Variants in EXOC4 observed in about 807,000 individuals in gnomAD.
EXOC4 encodes the protein SEC8-like 1.
A neutral mutation model predicts 107.2 loss-of-function variants in EXOC4; 71 were observed. That is an observed-to-expected ratio of 0.66 (90% CI 0.55 to 0.81). The LOEUF is 0.81. Among genes scored for constraint, EXOC4 ranks in the 30% least tolerant of loss-of-function variants. EXOC4 has a pLI of 0.00. For missense variants in EXOC4, 1,108 were observed against 1,189.6 expected (o/e 0.93, Z 1.01); for synonymous variants, 456 against 441.2 (o/e 1.03, Z -0.42).
rs1202554245 is a variant in EXOC4, at chr7:133,993,123, T to C, written c.2207-4369T>C. Among the ~76,000 whole-genome samples the C allele has an allele frequency of 2.0e-5, 3 of 152,244 alleles. No homozygotes were observed. In the East Asian group the frequency reaches 5.8e-4, roughly 29 times the overall value. ...TCCCACTTGATCACAGTGAATGATA[T>C]TTTTAATGTGTTGTCAAATTCTATT... On this transcript the variant is annotated intron_variant, in intron 14 of 17. Coordinates refer to ENST00000253861, the MANE Select transcript of EXOC4 (RefSeq NM_021807.4).
At chr7:133,424,264 T>TA (rs1428780990) in intron 7 of EXOC4, among the ~76,000 whole-genome samples, 1 of 152,086 alleles carries the variant, frequency 6.6e-6, no homozygotes, top group Non-Finnish European at 1.5e-5. Flanking sequence ...GTAACACTCT[T>TA]ATGAGCTGTA....
intron 7 of EXOC4, among the ~76,000 whole-genome samples, chr7:133,449,482 G>T (rs7783237): frequency 5.2e-4 from 79 of 152,232 alleles, no homozygotes; most frequent in African/African-American, 1.9e-3. Flanking sequence ...TTTCTTAAAT[G>T]CAAGGATAAT....
intron 5 of EXOC4, among the ~76,000 whole-genome samples, chr7:133,325,862 A>G (rs1019137766): frequency 2.0e-5 from 3 of 152,034 alleles, no homozygotes; most frequent in Admixed American, 6.5e-5. Context: ...TCAGACATAG[A>G]TTTGGTCTTT....
intron 11 of EXOC4, among the ~76,000 whole-genome samples, chr7:133,854,281 T>C (rs993919454): frequency 3.3e-5 from 5 of 152,116 alleles, no homozygotes; most frequent in African/African-American, 1.2e-4. Flanking sequence ...TGGGGACTGA[T>C]GGAGGGCCAT....
intron 7 of EXOC4, among the ~76,000 whole-genome samples, chr7:133,466,791 G>A (rs529816817): frequency 1.1e-4 from 16 of 152,146 alleles, no homozygotes; most frequent in African/African-American, 3.4e-4. Context: ...TGAATGTATC[G>A]ACATATAAAC....
intron 7 of EXOC4, among the ~76,000 whole-genome samples, chr7:133,435,683 A>G (rs1157554412): frequency 6.6e-6 from 1 of 152,086 alleles, no homozygotes; most frequent in Non-Finnish European, 1.5e-5. Context: ...TACCTAAAAC[A>G]CCTTTATTGT....
chr7:133,845,025 T>A (rs1045515920), intron 11 of EXOC4, among the ~76,000 whole-genome samples: 6 of 152,190 alleles, frequency 3.9e-5, no homozygotes, highest in Non-Finnish European at 7.3e-5. Flanking sequence ...TATCTTAACA[T>A]TGAAATTTGT....
intron 7 of EXOC4, among the ~76,000 whole-genome samples, chr7:133,394,155 G>A (rs1049824865): frequency 1.2e-4 from 18 of 152,160 alleles, no homozygotes; most frequent in Non-Finnish European, 1.9e-4. Flanking sequence ...GCCAATGCTC[G>A]TGCATAGATA....
intron 5 of EXOC4, among the ~76,000 whole-genome samples, chr7:133,335,301 C>G (rs1795487604): frequency 6.6e-6 from 1 of 152,130 alleles, no homozygotes; most frequent in African/African-American, 2.4e-5. Flanking sequence ...TGCAGCCAAT[C>G]TCCAGAAATA....
chr7:133,311,135 A>T (rs1217108089), intron 4 of EXOC4, among the ~76,000 whole-genome samples: 1 of 152,214 alleles, frequency 6.6e-6, no homozygotes, highest in East Asian at 1.9e-4. Context: ...GCTCATGAAG[A>T]TGTCAGTTCC....
At chr7:133,618,312 G>A (rs1802245063) in intron 9 of EXOC4, among the ~76,000 whole-genome samples, 1 of 151,104 alleles carries the variant, frequency 6.6e-6, no homozygotes, top group African/African-American at 2.4e-5. Flanking sequence ...TTTTTTTAAA[G>A]TTCAATATAC....
chr7:133,882,039 A>T (rs1798977744), intron 11 of EXOC4, among the ~76,000 whole-genome samples: 1 of 152,136 alleles, frequency 6.6e-6, no homozygotes, highest in South Asian at 2.1e-4. Context: ...CACTATTCTG[A>T]TTTGTCTCAC....
At chr7:133,878,892 T>TG (rs760481294) in intron 11 of EXOC4, among the ~76,000 whole-genome samples, 7 of 152,088 alleles carry the variant, frequency 4.6e-5, no homozygotes, top group African/African-American at 1.2e-4. Context: ...GCCTGGCTAA[T>TG]TTTTGTATTT....
intron 17 of EXOC4, among the ~76,000 whole-genome samples, chr7:134,021,722 GAAAAAAAAAAA>G (rs60762484): frequency 9.3e-5 from 5 of 53,742 alleles, no homozygotes; most frequent in Non-Finnish European, 1.4e-4. Context: ...AGTCAAACCA[GAAAAAAAAAAA>G]AAAAAAAAAA....
intron 9 of EXOC4, among the ~76,000 whole-genome samples, chr7:133,493,153 G>A (rs1799407407): frequency 6.6e-6 from 1 of 152,078 alleles, no homozygotes; most frequent in Admixed American, 6.6e-5. Flanking sequence ...GGCCTGGCAC[G>A]GTGACTCATG....
chr7:133,711,155 G>GT (rs1472821924), intron 10 of EXOC4, among the ~76,000 whole-genome samples: 1 of 152,226 alleles, frequency 6.6e-6, no homozygotes, highest in Non-Finnish European at 1.5e-5. Context: ...AATGGTAGAA[G>GT]TTTAACAAAT....
At chr7:134,077,868 C>T in the EXOC4 span, among the ~76,000 whole-genome samples, 1 of 152,336 alleles carries the variant, frequency 6.6e-6, no homozygotes, top group South Asian at 2.1e-4. Context: ...TTAGATAAAA[C>T]AGAATACTTG....
At chr7:133,413,473 A>T (rs145002015) in intron 7 of EXOC4, among the ~76,000 whole-genome samples, 3 of 152,100 alleles carry the variant, frequency 2.0e-5, no homozygotes, top group Non-Finnish European at 4.4e-5. Flanking sequence ...CCTTTCATAG[A>T]CTCACATTGG....
At chr7:133,462,677 A>AT (rs34653460) in intron 7 of EXOC4, among the ~76,000 whole-genome samples, 2 of 152,128 alleles carry the variant, frequency 1.3e-5, no homozygotes, top group African/African-American at 4.8e-5. Flanking sequence ...CTTTAAAAAA[A>AT]TTTTTTATAT....
Sources: gnomAD v4.1 joint callset for allele counts (sites outside exome capture counted in the v4.1 genomes callset) on GRCh38, gnomAD v4.1.1 for gene constraint, MANE v1.5 for transcripts, NCBI Gene and HGNC (gene_info 2026-07-23, HGNC 2026-07-21) for gene names.